The following SPECC1L variants were observed in gnomAD, a reference collection of about 807,000 sequenced individuals.
The protein encoded by SPECC1L is cytospin-A.
Under a neutral mutation model 116.8 loss-of-function variants are expected in SPECC1L, and 40 were observed. The observed-to-expected ratio is 0.34, with a 90% CI of 0.27 to 0.45. The LOEUF is 0.45. Among genes scored for constraint, SPECC1L ranks in the 20% least tolerant of loss-of-function variants. The pLI is 1.00. For missense variants in SPECC1L, 1,110 were observed against 1,373.6 expected (o/e 0.81, Z 3.03); for synonymous variants, 504 against 500.6 (o/e 1.01, Z -0.09).
At chr22:24,315,022 A>C (rs2040533817) in intron 4 of SPECC1L, among the ~76,000 whole-genome samples, 1 of 152,266 alleles carries the variant, frequency 6.6e-6, no homozygotes, top group Non-Finnish European at 1.5e-5. Context: ...TCTTACGTTT[A>C]TAGAAAAAGA....
At chr22:24,363,385 T>C (rs772396988) in intron 12 of SPECC1L, 41 bp downstream of exon 12, 3 of 1,542,992 alleles carry the variant, frequency 1.9e-6, no homozygotes, top group Non-Finnish European at 2.7e-6. Context: ...TTTGTTGTTT[T>C]TTAGAGACAG....
At chr22:24,293,457 C>CA (rs1203407495) in intron 2 of SPECC1L, among the ~76,000 whole-genome samples, 2 of 149,352 alleles carry the variant, frequency 1.3e-5, no homozygotes, top group Non-Finnish European at 3.0e-5. Flanking sequence ...ATCTCCAAAA[C>CA]AAAAAATAAA....
chr22:24,387,545 T>C (rs1319366342), intron 14 of SPECC1L, among the ~76,000 whole-genome samples: 1 of 152,202 alleles, frequency 6.6e-6, no homozygotes, highest in Non-Finnish European at 1.5e-5. Context: ...GAAAAAATTT[T>C]TTTGGTATTT....
Position 24,348,387 on chromosome 22 carries a change from G to A in SPECC1L, c.2743+1211G>A, listed in dbSNP as rs146155109. Among the ~76,000 whole-genome samples the A allele has an allele frequency of 7.5e-3, 1,139 of 152,288 alleles. 7 individuals carry two copies. The highest frequency in any genetic ancestry group is 0.034 in the Middle Eastern group (10 of 294). On this transcript the variant is annotated intron_variant, in intron 11 of 16. Transcript: ENST00000314328. ...GCTCCATGTAGTACCAGCGCCTGAA[G>A]AGTTCAATTTGGTGGTTGAACTGGC...
intron 6 of SPECC1L, among the ~76,000 whole-genome samples, chr22:24,327,293 A>C (rs925748816): frequency 3.3e-5 from 5 of 149,946 alleles, no homozygotes; most frequent in East Asian, 1.9e-4. Flanking sequence ...AAAAAAAAAA[A>C]AAAAAAAAAC....
At chr22:24,396,948 A>G (rs190941433) in intron 14 of SPECC1L, among the ~76,000 whole-genome samples, 6 of 152,318 alleles carry the variant, frequency 3.9e-5, no homozygotes, top group Admixed American at 3.9e-4. Context: ...CTGCTTGAAC[A>G]CCAGCTCTTC....
chr22:24,298,555 G>A (rs2049313461), intron 2 of SPECC1L, among the ~76,000 whole-genome samples: 1 of 152,216 alleles, frequency 6.6e-6, no homozygotes, highest in Admixed American at 6.5e-5. Flanking sequence ...AAAGCTGATG[G>A]TGTCATTCTG....
At chr22:24,274,972 ACTCAGCTCATTTTCTTATTTC>A (rs1239531026) in intron 1 of SPECC1L, among the ~76,000 whole-genome samples, 2 of 152,050 alleles carry the variant, frequency 1.3e-5, no homozygotes, top group East Asian at 3.8e-4. Flanking sequence ...TGCCTTCAAA[ACTCAGCTCATTTTCTTATTTC>A]CTTGCCCTTT....
rs569066647 is a variant in SPECC1L, at chr22:24,323,023, C to CT, written c.1938+113dup. On this transcript the variant is annotated intron_variant, in intron 5 of 16. Transcript: ENST00000314328. The stretch of plus-strand genomic sequence containing the variant: ...CTGGTTTGGTTTGGTGTGTTATTAG[C>CT]TTTTTTTTAAAACTGATATTTTTAA... 2.9e-4 allele frequency: 431 copies of CT among 1,473,592 alleles called. 4 individuals carry two copies. The African/African-American group carries it at 4.5e-3, about 15-fold the overall frequency. 91.3% of individuals were successfully genotyped at this position (1,473,592 alleles called of 1,614,324 possible).
At chr22:24,307,974 G>C (rs1318639720) in intron 3 of SPECC1L, among the ~76,000 whole-genome samples, 3 of 151,814 alleles carry the variant, frequency 2.0e-5, no homozygotes, top group Non-Finnish European at 4.4e-5. Flanking sequence ...CTAGTACTAA[G>C]AATTCCAGTA....
At chr22:24,328,616 G>C (rs989534053) in intron 6 of SPECC1L, among the ~76,000 whole-genome samples, 6 of 152,138 alleles carry the variant, frequency 3.9e-5, no homozygotes, top group Non-Finnish European at 7.4e-5. Flanking sequence ...TACTGTGGAA[G>C]GAAGTGATTT....
intron 1 of SPECC1L, among the ~76,000 whole-genome samples, chr22:24,276,299 G>T (rs558478275): frequency 6.6e-6 from 1 of 152,292 alleles, no homozygotes; most frequent in Non-Finnish European, 1.5e-5. Flanking sequence ...AGGTGTGGTG[G>T]TGCGCACCTG....
intron 13 of SPECC1L, among the ~76,000 whole-genome samples, chr22:24,367,973 C>T (rs1474277095): frequency 6.6e-6 from 1 of 152,100 alleles, no homozygotes; most frequent in Admixed American, 6.5e-5. Context: ...CTGGGTATTC[C>T]TTGGTGTTCT....
chr22:24,326,747 G>T (rs2040829772), intron 6 of SPECC1L, among the ~76,000 whole-genome samples: 1 of 152,088 alleles, frequency 6.6e-6, no homozygotes, highest in Admixed American at 6.6e-5. Context: ...AGTAAATTTT[G>T]AACCTTTTTA....
At position 24,298,507 on chromosome 22, in the gene SPECC1L, A is replaced by G. The variant is rs567573710; in HGVS notation, c.-37-3688A>G. Among the ~76,000 whole-genome samples, 3 of 152,330 alleles carry G rather than the reference A, an allele frequency of 2.0e-5. No homozygotes were observed. In the South Asian group the frequency reaches 6.2e-4, roughly 32 times the overall value. On this transcript the variant is annotated intron_variant, in intron 2 of 16. Coordinates refer to ENST00000314328, the MANE Select transcript of SPECC1L (RefSeq NM_015330.6). ...GCTCATGCAATTATGGAGGCTGAGA[A>G]GTCCCAAGATCTGCAGTTGGCCAGC...
intron 14 of SPECC1L, among the ~76,000 whole-genome samples, chr22:24,403,052 T>C (rs1237085446): frequency 6.6e-6 from 1 of 152,186 alleles, no homozygotes; most frequent in African/African-American, 2.4e-5. Flanking sequence ...GGTGAGGCTG[T>C]CAGGAGTCTT....
intron 16 of SPECC1L, among the ~76,000 whole-genome samples, chr22:24,413,949 C>G (rs545208875): frequency 3.3e-5 from 5 of 151,648 alleles, no homozygotes; most frequent in Non-Finnish European, 7.4e-5. Flanking sequence ...CCTTCTGTCT[C>G]GTGTTAAAGG....
chr22:24,395,125 G>C (rs1019337105), intron 14 of SPECC1L, among the ~76,000 whole-genome samples: 1 of 152,128 alleles, frequency 6.6e-6, no homozygotes, highest in African/African-American at 2.4e-5. Context: ...ACAGCGCCTG[G>C]CCAGAAATTC....
At chr22:24,364,086 C>T (rs951273090) in intron 12 of SPECC1L, among the ~76,000 whole-genome samples, 1 of 152,134 alleles carries the variant, frequency 6.6e-6, no homozygotes, top group East Asian at 1.9e-4. Context: ...AGGTCAGGAA[C>T]TTTGTCGACT....
Sources: allele counts gnomAD v4.1 joint callset (sites outside exome capture counted in the v4.1 genomes callset), GRCh38; gene constraint gnomAD v4.1.1; transcripts MANE v1.5; gene names NCBI Gene and HGNC (gene_info 2026-07-23, HGNC 2026-07-21).